The following ASCC3 variants were observed in gnomAD, a reference collection of about 807,000 sequenced individuals.
The protein encoded by ASCC3 is ASC-1 complex subunit P200.
ASCC3 carries 158 observed loss-of-function variants against 256.3 expected under a neutral mutation model. The ratio of observed to expected loss-of-function variants is 0.62; its 90% CI spans 0.54 to 0.70. The LOEUF (loss-of-function observed/expected upper bound fraction) is 0.70. Among genes scored for constraint, ASCC3 ranks in the 30% least tolerant of loss-of-function variants. The pLI is 0.00. For missense variants in ASCC3, 2,259 were observed against 2,626.0 expected (o/e 0.86, Z 3.05); for synonymous variants, 948 against 883.4 (o/e 1.07, Z -1.30).
chr6:100,684,176 T>C (rs1344440008), intron 13 of ASCC3, among the ~76,000 whole-genome samples: 1 of 152,202 alleles, frequency 6.6e-6, no homozygotes, highest in Non-Finnish European at 1.5e-5. Flanking sequence ...AAATTCTTCT[T>C]TGGAGTACTG....
At chr6:100,860,604 G>C (rs1274795313) in intron 3 of ASCC3, among the ~76,000 whole-genome samples, 1 of 151,924 alleles carries the variant, frequency 6.6e-6, no homozygotes, top group Admixed American at 6.6e-5. Context: ...TTAGGCAATG[G>C]AGTAGAAAGA....
At chr6:100,631,013 AAAT>A (rs2114866249) in intron 26 of ASCC3, 112 bp downstream of exon 26, 11 of 741,294 alleles carry the variant, frequency 1.5e-5, no homozygotes, top group Non-Finnish European at 2.5e-5. Flanking sequence ...TTCAGCAGTT[AAAT>A]AAAAGACTAT....
intron 36 of ASCC3, among the ~76,000 whole-genome samples, chr6:100,554,453 A>T (rs2114690975): frequency 6.6e-6 from 1 of 152,274 alleles, no homozygotes; most frequent in Admixed American, 6.5e-5. Context: ...ATCACAGATA[A>T]GAGGGCACTT....
chr6:100,585,783 A>G (rs1470256996), intron 36 of ASCC3, among the ~76,000 whole-genome samples: 1 of 152,074 alleles, frequency 6.6e-6, no homozygotes, highest in Non-Finnish European at 1.5e-5. Flanking sequence ...TCTGTTTGTT[A>G]GTTTTCCTTC....
rs1338501792 is a variant in ASCC3 at position 100,771,980 on chromosome 6, C to T, written c.1396-4635G>A. ...TTGCAAGCTCTGCCTCCCAGGTTCACACCATTCTCCTGCCTCAGCCTCCGG... is the reference window on the plus strand; with the variant it reads ...TTGCAAGCTCTGCCTCCCAGGTTCATACCATTCTCCTGCCTCAGCCTCCGG... On this transcript the variant is annotated intron_variant, in intron 8 of 41. Coordinates refer to ENST00000369162, the MANE Select transcript of ASCC3 (RefSeq NM_006828.4). Among the ~76,000 whole-genome samples the T allele has an allele frequency of 2.7e-5, 4 of 145,736 alleles. No individual in the cohort carries two copies. The East Asian group carries it at 8.7e-4, about 32-fold the overall frequency.
chr6:100,511,581 A>C (rs191925213), intron 40 of ASCC3, among the ~76,000 whole-genome samples: 213 of 152,178 alleles, frequency 1.4e-3, no homozygotes, highest in African/African-American at 5.0e-3. Context: ...AAATACAAAA[A>C]ATTAGTTGAG....
chr6:100,691,618 G>C (rs778274135), intron 13 of ASCC3, among the ~76,000 whole-genome samples: 2 of 151,468 alleles, frequency 1.3e-5, no homozygotes, highest in Non-Finnish European at 3.0e-5. Context: ...TTTTTATTTG[G>C]TATTTATAAC....
intron 5 of ASCC3, among the ~76,000 whole-genome samples, chr6:100,803,293 T>C (rs1207004399): frequency 6.6e-6 from 1 of 152,106 alleles, no homozygotes; most frequent in African/African-American, 2.4e-5. Flanking sequence ...GGGAGGAAAC[T>C]TGTGGGAGGT....
intron 13 of ASCC3, among the ~76,000 whole-genome samples, chr6:100,705,800 C>T (rs575934415): frequency 2.0e-5 from 3 of 151,926 alleles, no homozygotes; most frequent in East Asian, 1.9e-4. Context: ...TAACAGTTTA[C>T]GTACACAGCC....
At chr6:100,571,307 C>T (rs890929519) in intron 36 of ASCC3, among the ~76,000 whole-genome samples, 1 of 152,226 alleles carries the variant, frequency 6.6e-6, no homozygotes, top group African/African-American at 2.4e-5. Flanking sequence ...GTTCAAATAT[C>T]ATCTTCTCAG....
intron 20 of ASCC3, 123 bp downstream of exon 20, chr6:100,650,415 A>T (rs1313369682): frequency 1.0e-6 from 1 of 957,160 alleles, no homozygotes; most frequent in African/African-American, 1.6e-5. Flanking sequence ...AAACAGTTCT[A>T]AGTAAAATGG....
intron 37 of ASCC3, among the ~76,000 whole-genome samples, chr6:100,524,786 T>C (rs961766128): frequency 2.0e-5 from 3 of 152,062 alleles, no homozygotes; most frequent in Non-Finnish European, 4.4e-5. Context: ...TCTCTCTTCC[T>C]CCTCCCTTTA....
chr6:100,774,432 C>G (rs941984474), intron 8 of ASCC3, among the ~76,000 whole-genome samples: 2 of 152,008 alleles, frequency 1.3e-5, no homozygotes, highest in African/African-American at 4.8e-5. Flanking sequence ...ATGGCACTAT[C>G]TTGGCTCACG....
chr6:100,604,202 A>T (rs1345442543), intron 33 of ASCC3, among the ~76,000 whole-genome samples: 1 of 152,004 alleles, frequency 6.6e-6, no homozygotes, highest in African/African-American at 2.4e-5. Context: ...TTTAAATATT[A>T]TTTGCATTAG....
rs1554203934 is a variant in ASCC3 at position 100,628,092 on chromosome 6, A to AAC, written c.4376-106_4376-105insGT. ...TGTAGCTTCCTCAAAAAACAAAAAC[A>AAC]AAAAAAAAAACAAAAAAAAAGCTAA... is the stretch of plus-strand genomic sequence containing the variant. On this transcript the variant is annotated intron_variant, in intron 27 of 41. Coordinates refer to ENST00000369162, the MANE Select transcript of ASCC3 (RefSeq NM_006828.4). 2.0e-3 allele frequency: 1,287 copies of AAC among 656,610 alleles called. 10 individuals are homozygous for AAC. In the African/African-American group the frequency reaches 0.024, roughly 12 times the overall value. 40.7% of individuals were successfully genotyped at this position (656,610 alleles called of 1,614,324 possible).
intron 32 of ASCC3, 37 bp from the exon 33 acceptor site, chr6:100,605,737 G>A: frequency 1.9e-6 from 3 of 1,603,760 alleles, no homozygotes; most frequent in Middle Eastern, 1.7e-4. Flanking sequence ...TCTACAATGT[G>A]GCATATAGCA....
At chr6:100,608,099 C>CATATATATGT (rs1443116792) in intron 30 of ASCC3, among the ~76,000 whole-genome samples, 10 of 118,398 alleles carry the variant, frequency 8.4e-5, no homozygotes, top group East Asian at 2.4e-4. Context: ...TCTATATACA[C>CATATATATGT]ATATATATGT....
chr6:100,813,649 T>C (rs551854841), intron 4 of ASCC3, among the ~76,000 whole-genome samples: 1 of 152,096 alleles, frequency 6.6e-6, no homozygotes, highest in South Asian at 2.1e-4. Context: ...GTATGTGTGT[T>C]TGTGTATAAG....
chr6:100,660,055 A>C (rs959613477), intron 16 of ASCC3, among the ~76,000 whole-genome samples: 5 of 151,542 alleles, frequency 3.3e-5, no homozygotes, highest in African/African-American at 7.2e-5. Context: ...TGTAAGTCAG[A>C]AAAATTATGG....
Sources: allele counts gnomAD v4.1 joint callset (sites outside exome capture counted in the v4.1 genomes callset), GRCh38; gene constraint gnomAD v4.1.1; transcripts MANE v1.5; gene names NCBI Gene and HGNC (gene_info 2026-07-23, HGNC 2026-07-21).